The following OS9 variants were observed in gnomAD, a reference collection of about 807,000 sequenced individuals.
OS9 encodes the protein protein OS-9.
Under a neutral mutation model 84.7 loss-of-function variants are expected in OS9, and 58 were observed. That is an observed-to-expected ratio of 0.68 (90% CI 0.55 to 0.85). The LOEUF (loss-of-function observed/expected upper bound fraction) is 0.85, where lower values mean the gene tolerates loss of function less well. Ranked by LOEUF, OS9 falls within the 40% of genes least tolerant of loss-of-function variation. OS9 has a pLI of 0.00. For missense variants in OS9, 760 were observed against 850.9 expected, an observed-to-expected ratio of 0.89 and a Z score of 1.33; for synonymous variants, 278 against 320.8, an observed-to-expected ratio of 0.87 and a Z score of 1.43.
At chr12:57,705,590 G>A (rs908551791) in intron 5 of OS9, among the ~76,000 whole-genome samples, 4 of 151,894 alleles carry the variant, frequency 2.6e-5, no homozygotes, top group African/African-American at 7.3e-5. Context: ...GCTGGGGTGC[G>A]ATCTTGGCTC....
chr12:57,710,311 T>C lies in OS9; in HGVS notation c.580-5449T>C, dbSNP rs116203324. 7.7e-3 allele frequency among the ~76,000 whole-genome samples: 1,180 copies of C among 152,356 alleles called. 17 individuals carry two copies. The highest frequency in any genetic ancestry group is 0.025 in the African/African-American group (1,059 of 41,578). ...GCATAAAGTTCATTGTATTCTTCTA[T>C]CTTTTTAATCTCTGTGGCATCTGTA... On this transcript the variant is annotated intron_variant, in intron 5 of 14. Transcript: ENST00000315970.
At chr12:57,720,732 C>T in intron 14 of OS9, 52 bp from the exon 15 acceptor site, 2 of 1,560,690 alleles carry the variant, frequency 1.3e-6, no homozygotes, top group Non-Finnish European at 1.7e-6. Context: ...CCCAGGACTT[C>T]CCTGGGCTCA....
At position 57,700,588 on chromosome 12, in the gene OS9, C is replaced by T. The variant is rs1438177418; in HGVS notation, c.579+4215C>T. On this transcript the variant is annotated intron_variant, in intron 5 of 14. Transcript: ENST00000315970. The stretch of plus-strand genomic sequence containing the variant: ...CCTGATGCCTCCTCAATAGGAACAG[C>T]GTGCATGTTGTTTAAAGTGCAGTCT... Among the ~76,000 whole-genome samples the T allele has an allele frequency of 2.0e-5, 3 of 152,102 alleles. No individual in the cohort carries two copies. The East Asian group carries it at 5.8e-4, about 29-fold the overall frequency.
At chr12:57,710,096 G>T (rs972261441) in intron 5 of OS9, among the ~76,000 whole-genome samples, 1 of 152,072 alleles carries the variant, frequency 6.6e-6, no homozygotes, top group Admixed American at 6.6e-5. Flanking sequence ...CAAGTGATCC[G>T]CTCACCTTGG....
At chr12:57,713,831 T>C (rs1316516712) in intron 5 of OS9, among the ~76,000 whole-genome samples, 1 of 151,934 alleles carries the variant, frequency 6.6e-6, no homozygotes, top group Non-Finnish European at 1.5e-5. Context: ...TTCTCACTAT[T>C]CAAGATTTAG....
chr12:57,717,964 G>A lies in OS9; in HGVS notation c.1134+6G>A. 2 of 1,605,120 alleles carry A rather than the reference G, an allele frequency of 1.2e-6. No individual in the cohort carries two copies. Among genetic ancestry groups the A allele is most frequent in the South Asian group, 1.1e-5 (1 of 89,124 alleles). On this transcript the variant is annotated splice_donor_region_variant and intron_variant, in intron 10 of 14. Transcript: ENST00000315970. ...TGAAAGGTGGAACAAAAAAGGTATA[G>A]GCCGTGCTTAGGGAATGGGTAGAAC...
At position 57,696,458 on chromosome 12, in the gene OS9, G is replaced by A. The variant is rs1450533866; in HGVS notation, c.579+85G>A. ...GAGGGTTGCATCTTATAGTCGGGGC[G>A]GGGGCGGGGGGGGTCCCCTCCCAGA... On this transcript the variant is annotated intron_variant, in intron 5 of 14. Coordinates refer to ENST00000315970, the MANE Select transcript of OS9 (RefSeq NM_006812.4). 37 of 228,842 alleles carry A rather than the reference G, an allele frequency of 1.6e-4. 3 individuals carry two copies. The highest frequency in any genetic ancestry group is 2.8e-4 in the Non-Finnish European group (29 of 102,624). 14.2% of individuals were successfully genotyped at this position (228,842 alleles called of 1,614,324 possible).
chr12:57,711,900 G>C (rs1270252344), intron 5 of OS9, among the ~76,000 whole-genome samples: 1 of 152,122 alleles, frequency 6.6e-6, no homozygotes, highest in Non-Finnish European at 1.5e-5. Flanking sequence ...ACCAGCCTGG[G>C]CAACAGAGCA....
Position 57,718,214 on chromosome 12 carries a change from G to A in OS9, c.1203G>A (p.Glu401=). Residue 401 remains glutamate, a synonymous_variant, in exon 11 of 15, where the codon GAG becomes GAA. Transcript: ENST00000315970. ...CAGAAGTCCCTCAGAGGGAACCAGA[G>A]AAGGAAAGGGGTGATCCAGAACGGC... is the stretch of plus-strand genomic sequence containing the variant. ...DAAEVPQREP[E]KERGDPERQR... 6.2e-7 allele frequency: 1 copy of A among 1,614,176 alleles called. No homozygotes were observed. The highest frequency in any genetic ancestry group is 8.5e-7 in the Non-Finnish European group (1 of 1,180,034).
chr12:57,697,796 G>T (rs1006593872), intron 5 of OS9, among the ~76,000 whole-genome samples: 13 of 151,542 alleles, frequency 8.6e-5, no homozygotes, highest in African/African-American at 3.2e-4. Flanking sequence ...ATCTTTAAAT[G>T]ATTGGCCCCA....
chr12:57,695,499 A>G (rs1235521902), intron 2 of OS9: 1 of 629,574 alleles, frequency 1.6e-6, no homozygotes, highest in Non-Finnish European at 2.9e-6. Flanking sequence ...ATAATTTCTT[A>G]TCTTTATGGA....
At chr12:57,708,911 C>T (rs1954250432) in intron 5 of OS9, among the ~76,000 whole-genome samples, 1 of 152,184 alleles carries the variant, frequency 6.6e-6, no homozygotes, top group Non-Finnish European at 1.5e-5. Flanking sequence ...TACTTTCCCT[C>T]CAACAACGTA....
Position 57,694,179 on chromosome 12 carries a change from G to C in OS9, c.18G>C (p.Leu6=), listed in dbSNP as rs1488208404. The part of the protein sequence containing the change: MAAET[L]LSSLLGLLLL... ...AACGAAAGATGGCGGCGGAAACGCT[G>C]CTGTCCAGTTTGTTAGGACTGCTGC... Residue 6 remains leucine (L), a synonymous_variant, in exon 1 of 15, where the codon CTG becomes CTC. Transcript: ENST00000315970. 1 of 1,614,212 alleles carries C rather than the reference G, an allele frequency of 6.2e-7. No individual in the cohort carries two copies. The highest frequency in any genetic ancestry group is 8.5e-7 in the Non-Finnish European group (1 of 1,180,032).
intron 5 of OS9, among the ~76,000 whole-genome samples, chr12:57,697,933 A>AAG (rs1350507109): frequency 6.2e-5 from 8 of 128,360 alleles, no homozygotes; most frequent in Middle Eastern, 3.8e-3. Flanking sequence ...ATACACACAC[A>AAG]CACACACACA....
chr12:57,704,746 TA>T (rs1457103864), intron 5 of OS9, among the ~76,000 whole-genome samples: 1 of 152,212 alleles, frequency 6.6e-6, no homozygotes, highest in African/African-American at 2.4e-5. Context: ...AATTTTAATT[TA>T]AAAAATTTAA....
chr12:57,696,638 A>G (rs1276893781), intron 5 of OS9, among the ~76,000 whole-genome samples: 1 of 152,050 alleles, frequency 6.6e-6, no homozygotes, highest in Non-Finnish European at 1.5e-5. Flanking sequence ...TCTACTAAAA[A>G]TACAAAAATT....
At chr12:57,701,409 G>A (rs1055644569) in intron 5 of OS9, among the ~76,000 whole-genome samples, 4 of 151,568 alleles carry the variant, frequency 2.6e-5, no homozygotes, top group African/African-American at 9.7e-5. Flanking sequence ...CTGAGTAGCT[G>A]GGACTATAGG....
chr12:57,717,792 CAAAAAAAAAAAAAAAAAA>C, intron 9 of OS9, 60 bp from the exon 10 acceptor site: 1 of 426,116 alleles, frequency 2.3e-6, no homozygotes, highest in Non-Finnish European at 3.7e-6. Context: ...GACTCTGTCT[CAAAAAAAAAAAAAAAAAA>C]AAAAAAAAAG....
At chr12:57,701,946 G>A (rs1301188452) in intron 5 of OS9, among the ~76,000 whole-genome samples, 1 of 151,916 alleles carries the variant, frequency 6.6e-6, no homozygotes, top group African/African-American at 2.4e-5. Flanking sequence ...ACAGGCGCCT[G>A]CCACCATGCC....
Sources: gnomAD v4.1 joint callset for allele counts (sites outside exome capture counted in the v4.1 genomes callset) on GRCh38, gnomAD v4.1.1 for gene constraint, MANE v1.5 for transcripts, NCBI Gene and HGNC (gene_info 2026-07-23, HGNC 2026-07-21) for gene names.